The following PPP2R2A variants were observed in gnomAD, a reference collection of about 807,000 sequenced individuals.
PPP2R2A encodes serine/threonine-protein phosphatase 2A 55 kDa regulatory subunit B alpha isoform.
A neutral mutation model predicts 53.2 loss-of-function variants in PPP2R2A; 9 were observed. That is an observed-to-expected ratio of 0.17 (90% CI 0.10 to 0.30). The LOEUF (loss-of-function observed/expected upper bound fraction) is 0.30. PPP2R2A is among the 10% of genes least tolerant of loss of function. PPP2R2A has a pLI of 1.00. For missense variants in PPP2R2A, 235 were observed against 534.6 expected (o/e 0.44, Z 5.53); for synonymous variants, 169 against 174.2 (o/e 0.97, Z 0.23).
chr8:26,293,951 A>G (rs1329283509), intron 2 of PPP2R2A: 1 of 544,470 alleles, frequency 1.8e-6, no homozygotes, highest in African/African-American at 1.9e-5. Context: ...TTTCCTCTGA[A>G]TTTACATGGA....
Position 26,291,814 on chromosome 8 carries a change from C to G in PPP2R2A, c.-6C>G. Reference sequence around the variant, plus strand: ...AACCCAGCAGGGTCACCATTTGCAGCGCAACATGGCAGGTAAAGGAGAAAT... The same window carrying G: ...AACCCAGCAGGGTCACCATTTGCAGGGCAACATGGCAGGTAAAGGAGAAAT... On this transcript the variant is annotated 5_prime_UTR_variant, in exon 1 of 10. Coordinates refer to ENST00000380737, the MANE Select transcript of PPP2R2A (RefSeq NM_002717.4). 6.2e-7 allele frequency: 1 copy of G among 1,608,830 alleles called. No homozygotes were observed. Among genetic ancestry groups the G allele is most frequent in the Non-Finnish European group, 8.5e-7 (1 of 1,178,004 alleles).
chr8:26,315,831 A>G (rs1284308160), intron 2 of PPP2R2A, among the ~76,000 whole-genome samples: 2 of 152,182 alleles, frequency 1.3e-5, no homozygotes, highest in African/African-American at 2.4e-5. Flanking sequence ...TAGTGGGTTT[A>G]GAAGATAAAT....
chr8:26,337,226 A>G (rs1052432699), intron 2 of PPP2R2A, among the ~76,000 whole-genome samples: 1 of 152,136 alleles, frequency 6.6e-6, no homozygotes, highest in Non-Finnish European at 1.5e-5. Context: ...TTCATATTCA[A>G]ATTAACTAGT....
At chr8:26,294,477 A>T (rs1801455185) in intron 2 of PPP2R2A, among the ~76,000 whole-genome samples, 1 of 152,196 alleles carries the variant, frequency 6.6e-6, no homozygotes, top group Non-Finnish European at 1.5e-5. Context: ...AGATGGTCTT[A>T]GGCAGCGGAG....
chr8:26,298,455 A>G (rs957947397), intron 2 of PPP2R2A: 1 of 152,204 alleles, frequency 6.6e-6, no homozygotes, highest in Non-Finnish European at 1.5e-5. Flanking sequence ...TAACTAAGCT[A>G]TTCACATTAT....
chr8:26,304,023 T>C (rs1360168546), intron 2 of PPP2R2A, among the ~76,000 whole-genome samples: 9 of 152,226 alleles, frequency 5.9e-5, no homozygotes, highest in Non-Finnish European at 1.3e-4. Context: ...GTTCACAGGG[T>C]CTGTGGACCG....
chr8:26,346,726 G>C (rs557552768), intron 3 of PPP2R2A, among the ~76,000 whole-genome samples: 20 of 152,274 alleles, frequency 1.3e-4, no homozygotes, highest in African/African-American at 4.3e-4. Flanking sequence ...ATTTCTTAGT[G>C]TCTAGTTATT....
At chr8:26,339,546 G>A (rs187954504) in intron 3 of PPP2R2A, among the ~76,000 whole-genome samples, 65 of 152,200 alleles carry the variant, frequency 4.3e-4, no homozygotes, top group African/African-American at 1.5e-3. Flanking sequence ...TGCAGAATCG[G>A]TAATTAAAGT....
rs191604270 is a variant in PPP2R2A at position 26,349,515 on chromosome 8, C to T, written c.181-4953C>T. Reference sequence around the variant, plus strand: ...GGGATAAAATCCAGAAGTGGGATTGCTGGATTATATGGTAGTTCTATTTTT... The same window carrying T: ...GGGATAAAATCCAGAAGTGGGATTGTTGGATTATATGGTAGTTCTATTTTT... On this transcript the variant is annotated intron_variant, in intron 3 of 9. Transcript: ENST00000380737. 4.3e-3 allele frequency among the ~76,000 whole-genome samples: 661 copies of T among 152,218 alleles called. 3 individuals carry two copies. The highest frequency in any genetic ancestry group is 7.2e-3 in the South Asian group (35 of 4,828).
chr8:26,318,954 A>G (rs1181428944), intron 2 of PPP2R2A, among the ~76,000 whole-genome samples: 6 of 152,162 alleles, frequency 3.9e-5, no homozygotes, highest in Non-Finnish European at 8.8e-5. Context: ...GCCACCATCC[A>G]TATCCAGGAC....
At chr8:26,335,510 ATCTGTCCATCTACCCC>A (rs1378676152) in intron 2 of PPP2R2A, among the ~76,000 whole-genome samples, 3 of 152,222 alleles carry the variant, frequency 2.0e-5, no homozygotes, top group Admixed American at 2.0e-4. Flanking sequence ...GAGACCATGA[ATCTGTCCATCTACCCC>A]TCCCCGAAAT....
intron 2 of PPP2R2A, among the ~76,000 whole-genome samples, chr8:26,312,140 A>G (rs946977154): frequency 1.3e-5 from 2 of 152,224 alleles, no homozygotes; most frequent in Non-Finnish European, 2.9e-5. Flanking sequence ...GCCCTTGGAA[A>G]ATTCTCCAGA....
At chr8:26,296,230 A>G (rs924156640) in intron 2 of PPP2R2A, among the ~76,000 whole-genome samples, 3 of 152,204 alleles carry the variant, frequency 2.0e-5, no homozygotes, top group Admixed American at 6.5e-5. Flanking sequence ...CATTTTCCTC[A>G]TAAGTCTACA....
At chr8:26,361,461 CTG>C (rs1384912288) in intron 6 of PPP2R2A, among the ~76,000 whole-genome samples, 1 of 152,030 alleles carries the variant, frequency 6.6e-6, no homozygotes, top group Non-Finnish European at 1.5e-5. Flanking sequence ...TTTGTGAGGT[CTG>C]TGTATGGTAG....
intron 3 of PPP2R2A, among the ~76,000 whole-genome samples, chr8:26,352,699 T>TA (rs1367583218): frequency 6.6e-6 from 1 of 152,230 alleles, no homozygotes; most frequent in Non-Finnish European, 1.5e-5. Context: ...TTCTGTAAGA[T>TA]ACCATGTTTA....
chr8:26,329,192 G>A (rs1803241934), intron 2 of PPP2R2A, among the ~76,000 whole-genome samples: 1 of 152,020 alleles, frequency 6.6e-6, no homozygotes, highest in African/African-American at 2.4e-5. Context: ...TTTTGTTGTG[G>A]TCAGACAGTA....
At chr8:26,310,923 GC>G (rs1366097177) in intron 2 of PPP2R2A, among the ~76,000 whole-genome samples, 2 of 152,232 alleles carry the variant, frequency 1.3e-5, no homozygotes, top group South Asian at 2.1e-4. Context: ...TAGTATCACA[GC>G]CCTTTTCCCC....
rs571502983 is a variant in PPP2R2A, at chr8:26,291,901, C to T, written c.7+75C>T. ...CCTCCCTCCATCACCCCCTAGCGAC[C>T]GCCCGCGCCTCGCGCAGAGCCACAG... On this transcript the variant is annotated intron_variant, in intron 1 of 9. Coordinates refer to ENST00000380737, the MANE Select transcript of PPP2R2A (RefSeq NM_002717.4). 203 of 1,582,422 alleles carry T rather than the reference C, an allele frequency of 1.3e-4. 2 individuals are homozygous for T. The South Asian group carries it at 2.1e-3, about 16-fold the overall frequency.
At chr8:26,357,293 C>CCT (rs1331576194) in intron 4 of PPP2R2A, among the ~76,000 whole-genome samples, 2 of 145,550 alleles carry the variant, frequency 1.4e-5, no homozygotes, top group African/African-American at 5.0e-5. Context: ...ACCCCCCCCC[C>CCT]CCAATATAAT....
Sources: allele counts gnomAD v4.1 joint callset (sites outside exome capture counted in the v4.1 genomes callset), GRCh38; gene constraint gnomAD v4.1.1; transcripts MANE v1.5; gene names NCBI Gene and HGNC (gene_info 2026-07-23, HGNC 2026-07-21).